Variants in LRRIQ3 observed in about 807,000 individuals in gnomAD.
LRRIQ3 encodes the protein leucine-rich repeat and IQ domain-containing protein 3.
A neutral mutation model predicts 59.3 loss-of-function variants in LRRIQ3; 75 were observed. The ratio of observed to expected loss-of-function variants is 1.26; its 90% CI spans 1.05 to 1.53. The LOEUF is 1.53. Among genes scored for constraint, LRRIQ3 ranks in the 40% most tolerant of loss-of-function variants. LRRIQ3 has a pLI of 0.00. For missense variants in LRRIQ3, 831 were observed against 710.0 expected, an observed-to-expected ratio of 1.17 and a Z score of -1.94; for synonymous variants, 250 against 231.3, an observed-to-expected ratio of 1.08 and a Z score of -0.73.
intron 4 of LRRIQ3, among the ~76,000 whole-genome samples, chr1:74,128,888 T>G (rs1167638874): frequency 6.6e-6 from 1 of 152,098 alleles, no homozygotes; most frequent in Non-Finnish European, 1.5e-5. Context: ...GAAATTCTTC[T>G]TGGATAGTTC....
At chr1:74,182,267 G>C (rs1023647161) in intron 3 of LRRIQ3, 51 of 188,074 alleles carry the variant, frequency 2.7e-4, no homozygotes, top group African/African-American at 1.1e-3. Flanking sequence ...ACCAAATTCT[G>C]AATAAATTAG....
intron 5 of LRRIQ3, among the ~76,000 whole-genome samples, chr1:74,092,895 G>A (rs1003620217): frequency 2.6e-5 from 4 of 151,960 alleles, no homozygotes; most frequent in Non-Finnish European, 4.4e-5. Context: ...ATGAGATTAA[G>A]AATTTTGTCT....
At chr1:74,188,418 C>A (rs1650548743) in intron 1 of LRRIQ3, among the ~76,000 whole-genome samples, 1 of 152,058 alleles carries the variant, frequency 6.6e-6, no homozygotes, top group South Asian at 2.1e-4. Context: ...GAACTTAAAG[C>A]AAAAATTTAA....
intron 3 of LRRIQ3, among the ~76,000 whole-genome samples, chr1:74,174,113 TTC>T (rs534367426): frequency 6.6e-6 from 1 of 152,128 alleles, no homozygotes; most frequent in African/African-American, 2.4e-5. Flanking sequence ...CTTCCCTCTT[TTC>T]TCTCTGTCTC....
At chr1:74,067,991 C>T (rs1210738340) in intron 6 of LRRIQ3, among the ~76,000 whole-genome samples, 1 of 152,016 alleles carries the variant, frequency 6.6e-6, no homozygotes, top group African/African-American at 2.4e-5. Flanking sequence ...ACAACCAACA[C>T]ACAGAATCAA....
Position 74,032,701 on chromosome 1 carries a change from A to G in LRRIQ3, c.1719-5732T>C, listed in dbSNP as rs1653754577. The stretch of plus-strand genomic sequence containing the variant: ...TTAATTAAGCAATATTCTTAATTAC[A>G]TATTTAAAGTCCCTTTACCAACACA... On this transcript the variant is annotated intron_variant, in intron 7 of 7. Transcript: ENST00000354431. Among the ~76,000 whole-genome samples the G allele has an allele frequency of 2.0e-5, 3 of 152,222 alleles. No homozygotes were observed. In the South Asian group the frequency reaches 6.2e-4, roughly 32 times the overall value.
At chr1:74,099,362 G>T (rs1646497059) in intron 5 of LRRIQ3, among the ~76,000 whole-genome samples, 1 of 152,104 alleles carries the variant, frequency 6.6e-6, no homozygotes, top group Non-Finnish European at 1.5e-5. Flanking sequence ...CCAGGAAGAA[G>T]CTGAATCCCT....
chr1:74,155,933 A>G, intron 3 of LRRIQ3, 67 bp from the exon 4 acceptor site: 1 of 934,178 alleles, frequency 1.1e-6, no homozygotes, highest in Non-Finnish European at 1.5e-6. Context: ...GATATTTTAA[A>G]TTTGGTAATC....
At chr1:74,066,681 T>C (rs1654875750) in intron 6 of LRRIQ3, among the ~76,000 whole-genome samples, 2 of 152,164 alleles carry the variant, frequency 1.3e-5, no homozygotes, top group Non-Finnish European at 2.9e-5. Flanking sequence ...TATGTTTTTA[T>C]TATAGCTATT....
intron 4 of LRRIQ3, among the ~76,000 whole-genome samples, chr1:74,150,102 T>C (rs1193691781): frequency 6.6e-6 from 1 of 152,190 alleles, no homozygotes; most frequent in African/African-American, 2.4e-5. Context: ...CTTTCTGCCA[T>C]TCAGTATTGC....
At chr1:74,111,090 G>C (rs918408523) in intron 4 of LRRIQ3, among the ~76,000 whole-genome samples, 1 of 151,872 alleles carries the variant, frequency 6.6e-6, no homozygotes, top group African/African-American at 2.4e-5. Flanking sequence ...ACTTAGTCAC[G>C]AGAGAGTGTG....
intron 4 of LRRIQ3, among the ~76,000 whole-genome samples, chr1:74,141,283 C>T (rs541313694): frequency 5.7e-4 from 87 of 151,842 alleles, no homozygotes; most frequent in African/African-American, 2.0e-3. Context: ...AAAAAATATA[C>T]TTCAGTTTCT....
At chr1:74,048,249 G>C (rs1015040016) in intron 6 of LRRIQ3, among the ~76,000 whole-genome samples, 2 of 152,118 alleles carry the variant, frequency 1.3e-5, no homozygotes, top group African/African-American at 4.8e-5. Flanking sequence ...ATGGATAATA[G>C]GAGTGCTCAG....
chr1:74,085,074 A>G (rs1646312256), intron 5 of LRRIQ3, among the ~76,000 whole-genome samples: 1 of 151,830 alleles, frequency 6.6e-6, no homozygotes. Flanking sequence ...GATTCCCTTC[A>G]ATCTTCCCAC....
chr1:74,086,616 T>C (rs555547788), intron 5 of LRRIQ3, among the ~76,000 whole-genome samples: 35 of 152,216 alleles, frequency 2.3e-4, no homozygotes, highest in African/African-American at 7.5e-4. Flanking sequence ...AAAGTGTATG[T>C]TTAAGTTTTA....
chr1:74,183,618 T>G lies in LRRIQ3; in HGVS notation c.67A>C (p.Ile23Leu). ...ACAAAATCTTTTTGACCTTCTCTTA[T>G]GTTTTCATTATAGTGACTCCATTCT... ...HEEWSHYNEN[I>L]REGQKDFVFV... The change falls in exon 2 of 8, where the codon ATA becomes CTA. Residue 23 changes from isoleucine to leucine, a missense_variant. Transcript: ENST00000354431. The G allele has an allele frequency of 6.2e-7, 1 of 1,612,144 alleles. No individual in the cohort carries two copies. The highest frequency in any genetic ancestry group is 8.5e-7 in the Non-Finnish European group (1 of 1,178,806).
intron 4 of LRRIQ3, among the ~76,000 whole-genome samples, chr1:74,145,104 ATGT>A (rs1647482841): frequency 6.6e-6 from 1 of 152,142 alleles, no homozygotes; most frequent in South Asian, 2.1e-4. Flanking sequence ...ACCTCTACTA[ATGT>A]TGTTATCACT....
chr1:74,194,535 T>C (rs1249111951), intron 1 of LRRIQ3, among the ~76,000 whole-genome samples: 1 of 152,144 alleles, frequency 6.6e-6, no homozygotes, highest in Non-Finnish European at 1.5e-5. Flanking sequence ...GAAGGTTATA[T>C]ACTTCTGTTC....
At chr1:74,043,476 C>A (rs1654109681) in intron 6 of LRRIQ3, among the ~76,000 whole-genome samples, 1 of 152,108 alleles carries the variant, frequency 6.6e-6, no homozygotes, top group South Asian at 2.1e-4. Context: ...AATTCTACAG[C>A]AAAGTAGGAA....
Sources: allele counts gnomAD v4.1 joint callset (sites outside exome capture counted in the v4.1 genomes callset), GRCh38; gene constraint gnomAD v4.1.1; transcripts MANE v1.5; gene names NCBI Gene and HGNC (gene_info 2026-07-23, HGNC 2026-07-21).